XPR1: variants seen among roughly 807,000 people sequenced by gnomAD.
The protein encoded by XPR1 is xenotropic and polytropic retrovirus receptor 1, also known as solute carrier family 53 member 1.
A neutral mutation model predicts 87.5 loss-of-function variants in XPR1; 28 were observed. That is an observed-to-expected ratio of 0.32 (90% CI 0.24 to 0.44). The LOEUF is 0.44. XPR1 is among the 20% of genes least tolerant of loss of function. The pLI is 1.00. For missense variants in XPR1, 559 were observed against 862.3 expected (o/e 0.65, Z 4.41); for synonymous variants, 300 against 306.1 (o/e 0.98, Z 0.21).
chr1:180,723,254 G>A (rs963953443), intron 2 of XPR1, among the ~76,000 whole-genome samples: 3 of 151,996 alleles, frequency 2.0e-5, no homozygotes, highest in Non-Finnish European at 4.4e-5. Context: ...GTAACCATTA[G>A]CAATACTGCA....
chr1:180,780,728 A>G (rs1481670555), intron 2 of XPR1, among the ~76,000 whole-genome samples: 1 of 149,376 alleles, frequency 6.7e-6, no homozygotes. Context: ...AGATCGTGCC[A>G]CTGCACTCCA....
At position 180,638,228 on chromosome 1, in the gene XPR1, A is replaced by G. The variant is rs114566705; in HGVS notation, c.69+5958A>G. Among the ~76,000 whole-genome samples, 763 of 152,246 alleles carry G rather than the reference A, an allele frequency of 5.0e-3. 5 individuals carry two copies. The highest frequency in any genetic ancestry group is 0.016 in the African/African-American group (670 of 41,530). On this transcript the variant is annotated intron_variant, in intron 1 of 14. Transcript: ENST00000367590. Reference sequence around the variant, plus strand: ...TTCATCCTTGTGTCATCTTTTTAAAACTTCTATTTTAAACAATTTTGTTTT... The same window carrying G: ...TTCATCCTTGTGTCATCTTTTTAAAGCTTCTATTTTAAACAATTTTGTTTT...
At chr1:180,771,871 A>G (rs924673333) in intron 2 of XPR1, among the ~76,000 whole-genome samples, 1 of 152,108 alleles carries the variant, frequency 6.6e-6, no homozygotes, top group South Asian at 2.1e-4. Context: ...GTGTCTGCCA[A>G]GTTTCTCCAT....
chr1:180,803,686 G>C, intron 4 of XPR1, 75 bp downstream of exon 4: 2 of 1,279,052 alleles, frequency 1.6e-6, no homozygotes, highest in Non-Finnish European at 2.2e-6. Context: ...GTACCCTAAA[G>C]TATTACCAGT....
chr1:180,702,538 G>T (rs1378121924), intron 2 of XPR1, among the ~76,000 whole-genome samples: 4 of 151,976 alleles, frequency 2.6e-5, no homozygotes, highest in African/African-American at 9.7e-5. Flanking sequence ...TTGTCTTCAA[G>T]TTCAGAAATT....
chr1:180,783,117 A>G (rs1321699360), intron 2 of XPR1, among the ~76,000 whole-genome samples: 1 of 152,020 alleles, frequency 6.6e-6, no homozygotes, highest in East Asian at 1.9e-4. Context: ...ACTGGTATAG[A>G]TAATCTATTT....
intron 11 of XPR1, among the ~76,000 whole-genome samples, chr1:180,838,569 T>C (rs758695919): frequency 6.6e-6 from 1 of 152,208 alleles, no homozygotes; most frequent in Non-Finnish European, 1.5e-5. Flanking sequence ...CATTTCTTAC[T>C]GACATACTTC....
intron 12 of XPR1, 79 bp downstream of exon 12, chr1:180,863,953 A>G: frequency 4.3e-6 from 5 of 1,151,210 alleles, no homozygotes; most frequent in East Asian, 5.6e-5. Flanking sequence ...TACAGACCCA[A>G]CCTCTAATTA....
intron 2 of XPR1, among the ~76,000 whole-genome samples, chr1:180,687,063 G>A (rs58925572): frequency 0.043 from 6,552 of 152,012 alleles, 503 homozygotes; most frequent in African/African-American, 0.15. Context: ...TTTATATGCC[G>A]TAAAGAATAC....
At chr1:180,769,262 A>G (rs1039963905) in intron 2 of XPR1, among the ~76,000 whole-genome samples, 42 of 152,206 alleles carry the variant, frequency 2.8e-4, no homozygotes, top group African/African-American at 9.9e-4. Flanking sequence ...AAACAATCCA[A>G]TTATACTCTT....
chr1:180,823,330 C>T (rs1210255548), intron 7 of XPR1, among the ~76,000 whole-genome samples: 1 of 151,772 alleles, frequency 6.6e-6, no homozygotes, highest in South Asian at 2.1e-4. Context: ...AATCATTAGA[C>T]CAAATGGAAG....
Position 180,886,383 on chromosome 1 carries a change from G to A in XPR1, c.*2317G>A, listed in dbSNP as rs568474671. The A allele has an allele frequency of 1.1e-4, 17 of 152,280 alleles. No individual in the cohort carries two copies. Among genetic ancestry groups the A allele is most frequent in the African/African-American group, 3.9e-4 (16 of 41,552 alleles). The allele number at this position is 152,280 out of a possible 1,614,324, so 9.4% of individuals were successfully genotyped here. ...GAATTATTAACTTTATTCTTTATTA[G>A]TGAATCTCTATGATGGCACACATAA... On this transcript the variant is annotated 3_prime_UTR_variant, in exon 15 of 15. Coordinates refer to ENST00000367590, the MANE Select transcript of XPR1 (RefSeq NM_004736.4).
intron 6 of XPR1, among the ~76,000 whole-genome samples, chr1:180,807,296 A>G (rs1176223900): frequency 2.0e-5 from 3 of 152,220 alleles, no homozygotes; most frequent in African/African-American, 7.2e-5. Flanking sequence ...CAGTGACTTG[A>G]TGATCTATGT....
intron 7 of XPR1, among the ~76,000 whole-genome samples, chr1:180,824,183 G>T (rs1475281429): frequency 6.6e-6 from 1 of 152,208 alleles, no homozygotes; most frequent in East Asian, 1.9e-4. Flanking sequence ...AGAACAATGG[G>T]ATGACATGCT....
At chr1:180,698,699 G>A (rs897925951) in intron 2 of XPR1, among the ~76,000 whole-genome samples, 1 of 152,132 alleles carries the variant, frequency 6.6e-6, no homozygotes, top group Non-Finnish European at 1.5e-5. Flanking sequence ...GTTTAGTGGT[G>A]ATGAATGAAT....
At position 180,836,998 on chromosome 1, in the gene XPR1, T is replaced by C. The variant is rs114548695; in HGVS notation, c.1501+282T>C. ...TTAATGGGTTCAATCTATGGATATC[T>C]TGGGTTTCCATTTGTTTTTAGACTT... On this transcript the variant is annotated intron_variant, in intron 11 of 14. Transcript: ENST00000367590. 3.8e-3 allele frequency among the ~76,000 whole-genome samples: 585 copies of C among 152,362 alleles called. 1 individual carries two copies. The highest frequency in any genetic ancestry group is 5.7e-3 in the Admixed American group (87 of 15,300).
intron 2 of XPR1, among the ~76,000 whole-genome samples, chr1:180,726,389 C>T (rs902415563): frequency 6.6e-6 from 1 of 152,162 alleles, no homozygotes; most frequent in African/African-American, 2.4e-5. Flanking sequence ...GCTGCTCACT[C>T]TTTGGGTCCC....
chr1:180,744,654 C>CTTTTTTTTTTTTTTTTTTTTTT lies in XPR1; in HGVS notation c.122-43085_122-43084insTTTTTTTTTTTTTTTTTTTTTT, dbSNP rs71121048. 7.8e-5 allele frequency among the ~76,000 whole-genome samples: 8 copies of CTTTTTTTTTTTTTTTTTTTTTT among 102,402 alleles called. 1 individual carries two copies. Among genetic ancestry groups the CTTTTTTTTTTTTTTTTTTTTTT allele is most frequent in the African/African-American group, 8.0e-5 (2 of 24,922 alleles). 67.2% of individuals were successfully genotyped at this position (102,402 alleles called of 152,430 possible). A position where few individuals can be genotyped will look rare whatever the true frequency, so the allele number is the denominator to read the frequency against. On this transcript the variant is annotated intron_variant, in intron 2 of 14. Transcript: ENST00000367590. ...GTTCAGGTTTAGGCACAATTTCTTTCTTTTTTTTTTTTTTGAGACAGAATC... is the reference window on the plus strand; with the variant it reads ...GTTCAGGTTTAGGCACAATTTCTTTCTTTTTTTTTTTTTTTTTTTTTTTTTTTTTTTTTTTTGAGACAGAATC...
intron 2 of XPR1, among the ~76,000 whole-genome samples, chr1:180,710,957 G>A (rs1257611135): frequency 3.3e-5 from 5 of 150,296 alleles, no homozygotes; most frequent in Non-Finnish European, 7.4e-5. Context: ...GGGCGGAGGG[G>A]CTCCTCACTT....
Sources: gnomAD v4.1 joint callset for allele counts (sites outside exome capture counted in the v4.1 genomes callset) on GRCh38, gnomAD v4.1.1 for gene constraint, MANE v1.5 for transcripts, NCBI Gene and HGNC (gene_info 2026-07-23, HGNC 2026-07-21) for gene names.